Variants in EZR observed in about 807,000 individuals in gnomAD.
The protein encoded by EZR is ezrin.
In EZR, 40 loss-of-function variants were observed where a neutral mutation model predicts 74.8. That is an observed-to-expected ratio of 0.53 (90% CI 0.42 to 0.70). The LOEUF (loss-of-function observed/expected upper bound fraction) is 0.70, where lower values mean the gene tolerates loss of function less well. EZR is among the 30% of genes least tolerant of loss of function. EZR has a pLI of 0.00. For synonymous variants in EZR, 341 were observed against 283.3 expected, an observed-to-expected ratio of 1.20 and a Z score of -2.05; for missense variants, 678 against 755.8, an observed-to-expected ratio of 0.90 and a Z score of 1.21.
chr6:158,772,716 ACT>A (rs1169180592), intron 8 of EZR, among the ~76,000 whole-genome samples: 1 of 152,122 alleles, frequency 6.6e-6, no homozygotes, highest in Non-Finnish European at 1.5e-5. Flanking sequence ...TTTTTCAGTG[ACT>A]CTGTTGGCTT....
intron 2 of EZR, among the ~76,000 whole-genome samples, chr6:158,807,797 G>A (rs1411336636): frequency 1.3e-5 from 2 of 152,086 alleles, no homozygotes; most frequent in African/African-American, 2.4e-5. Context: ...TTTCAGGAGG[G>A]GCTGAGGAAG....
At chr6:158,784,474 T>C (rs1184810504) in intron 6 of EZR, among the ~76,000 whole-genome samples, 170 bp downstream of exon 6, 1 of 152,190 alleles carries the variant, frequency 6.6e-6, no homozygotes. Context: ...CACCTGGCTT[T>C]GTTTAAAAAA....
intron 2 of EZR, among the ~76,000 whole-genome samples, chr6:158,802,839 C>T (rs1777217048): frequency 1.3e-5 from 2 of 152,062 alleles, no homozygotes; most frequent in Admixed American, 1.3e-4. Context: ...CAGGTTTTTG[C>T]TTATTTAAGC....
At chr6:158,770,677 C>T (rs1791074860) in intron 10 of EZR, 87 bp downstream of exon 10, 1 of 1,515,756 alleles carries the variant, frequency 6.6e-7, no homozygotes, top group Non-Finnish European at 9.1e-7. Flanking sequence ...TGGTTTCCTT[C>T]CTGGTGAGTG....
intron 7 of EZR, among the ~76,000 whole-genome samples, chr6:158,779,373 C>T (rs893894221): frequency 2.0e-5 from 3 of 152,014 alleles, no homozygotes; most frequent in Non-Finnish European, 2.9e-5. Context: ...GAGAGGGTCC[C>T]GGGGCAGAAA....
chr6:158,777,118 T>C (rs780696282), intron 7 of EZR, among the ~76,000 whole-genome samples: 1 of 152,216 alleles, frequency 6.6e-6, no homozygotes, highest in East Asian at 1.9e-4. Context: ...TACAGACTGT[T>C]GAATGTTATT....
chr6:158,804,002 A>T (rs1450697376), intron 2 of EZR, among the ~76,000 whole-genome samples: 2 of 152,166 alleles, frequency 1.3e-5, no homozygotes, highest in African/African-American at 4.8e-5. Flanking sequence ...TGGGAGGCAG[A>T]AAGGAGCTGC....
At position 158,810,556 on chromosome 6, in the gene EZR, A is replaced by G. The variant is rs116464556; in HGVS notation, c.12+7526T>C. ...CATAATGGGATATAATAGCGCTTCA[A>G]AACATGAAGGTGGTACCCATGTGAC... On this transcript the variant is annotated intron_variant, in intron 2 of 13. Coordinates refer to ENST00000367075, the MANE Select transcript of EZR (RefSeq NM_001111077.2). Among the ~76,000 whole-genome samples, 335 of 152,340 alleles carry G rather than the reference A, an allele frequency of 2.2e-3. 3 individuals carry two copies. The highest frequency in any genetic ancestry group is 7.8e-3 in the African/African-American group (325 of 41,574).
chr6:158,814,755 A>G (rs1777519072), intron 2 of EZR, among the ~76,000 whole-genome samples: 1 of 151,948 alleles, frequency 6.6e-6, no homozygotes, highest in African/African-American at 2.4e-5. Flanking sequence ...GTTGACCAGG[A>G]TAGTCTTGAT....
intron 7 of EZR, among the ~76,000 whole-genome samples, chr6:158,777,224 G>T (rs1367354152): frequency 6.6e-6 from 1 of 152,234 alleles, no homozygotes; most frequent in African/African-American, 2.4e-5. Context: ...CTTGCCAAGA[G>T]AAACGGACAG....
At chr6:158,789,672 T>G in intron 2 of EZR, 1 of 493,768 alleles carries the variant, frequency 2.0e-6, no homozygotes, top group Non-Finnish European at 4.0e-6. Flanking sequence ...CAAGCTGGAG[T>G]GCAGTGGCAC....
chr6:158,769,693 A>G (rs1791035642), intron 11 of EZR, 91 bp downstream of exon 11: 4 of 1,524,650 alleles, frequency 2.6e-6, no homozygotes, highest in Non-Finnish European at 3.6e-6. Context: ...GCTTCCAGTC[A>G]TGACAATTAT....
At chr6:158,792,814 CAAAA>C (rs571823556) in intron 2 of EZR, among the ~76,000 whole-genome samples, 1 of 131,278 alleles carries the variant, frequency 7.6e-6, no homozygotes, top group Non-Finnish European at 1.6e-5. Context: ...GACTCCATCT[CAAAA>C]AAAAAAAAAA....
chr6:158,816,622 A>G (rs1034017246), intron 2 of EZR, among the ~76,000 whole-genome samples: 1 of 152,244 alleles, frequency 6.6e-6, no homozygotes, highest in Non-Finnish European at 1.5e-5. Flanking sequence ...AGTTTGAATT[A>G]AAAAGAAAAA....
In EZR at chr6:158,767,250, T is replaced by G. The variant is rs9364994; in HGVS notation, c.1596+11A>C. On this transcript the variant is annotated intron_variant, in intron 13 of 13. Transcript: ENST00000367075. Reference sequence around the variant, plus strand: ...GCAGGCTCCCTGGAGACAGAGCCCCTTGGGCCTCACCAGCAGCTGCCGCTG... The same window carrying G: ...GCAGGCTCCCTGGAGACAGAGCCCCGTGGGCCTCACCAGCAGCTGCCGCTG... The G allele has an allele frequency of 0.19, 310,417 of 1,608,140 alleles. 32,715 individuals are homozygous for G. Among genetic ancestry groups the G allele is most frequent in the South Asian group, 0.27 (24,484 of 90,468 alleles).
chr6:158,805,563 A>G (rs1256446185), intron 2 of EZR, among the ~76,000 whole-genome samples: 1 of 152,160 alleles, frequency 6.6e-6, no homozygotes, highest in African/African-American at 2.4e-5. Flanking sequence ...TACTTTTGCC[A>G]TGTGTCAAAA....
intron 2 of EZR, among the ~76,000 whole-genome samples, chr6:158,802,543 T>C (rs79762503): frequency 0.07 from 10,699 of 151,942 alleles, 1,004 homozygotes; most frequent in African/African-American, 0.22. Flanking sequence ...GTTTTGTTTG[T>C]TTTTTGAGGC....
At chr6:158,791,705 C>CCTTTTTTTTT (rs1562499412) in intron 2 of EZR, among the ~76,000 whole-genome samples, 1 of 62,602 alleles carries the variant, frequency 1.6e-5, no homozygotes, top group African/African-American at 6.3e-5. Context: ...TTTCAGACTC[C>CCTTTTTTTTT]ATTTTTTTTT....
intron 2 of EZR, among the ~76,000 whole-genome samples, chr6:158,806,002 A>C (rs1259571263): frequency 6.6e-6 from 1 of 152,234 alleles, no homozygotes; most frequent in Non-Finnish European, 1.5e-5. Context: ...ACCTGTTCCC[A>C]GTTGGGTCAC....
Sources: gnomAD v4.1 joint callset for allele counts (sites outside exome capture counted in the v4.1 genomes callset) on GRCh38, gnomAD v4.1.1 for gene constraint, MANE v1.5 for transcripts, NCBI Gene and HGNC (gene_info 2026-07-23, HGNC 2026-07-21) for gene names.